The following RBMS2 variants were observed in gnomAD, a reference collection of about 807,000 sequenced individuals.
The protein encoded by RBMS2 is RNA-binding motif, single-stranded-interacting protein 2.
RBMS2 carries 38 observed loss-of-function variants against 58.4 expected under a neutral mutation model. That is an observed-to-expected ratio of 0.65 (90% CI 0.50 to 0.85). The LOEUF is 0.85. Among genes scored for constraint, RBMS2 ranks in the 40% least tolerant of loss-of-function variants. The pLI, the probability that RBMS2 is intolerant of heterozygous loss-of-function variation, is 0.00. For missense variants in RBMS2, 367 were observed against 503.7 expected (o/e 0.73, Z 2.60); for synonymous variants, 151 against 180.7 (o/e 0.84, Z 1.32).
chr12:56,587,607 C>T lies in RBMS2; in HGVS notation c.1005C>T (p.Ser335=), dbSNP rs766846883. 31 of 1,614,096 alleles carry T rather than the reference C, an allele frequency of 1.9e-5. No homozygotes were observed. The highest frequency in any genetic ancestry group is 2.6e-5 in the Non-Finnish European group (31 of 1,179,970). The change falls in exon 11 of 14, where the codon TCC becomes TCT. Residue 335 remains serine (S), a synonymous_variant. Transcript: ENST00000262031. ...ATCCCATTTCTCTCCAGCCTGCCTC[C>T]ATGATGGGACCCCTTACCCAGCAAC... The part of the protein sequence containing the change: ...MDHPISLQPA[S]MMGPLTQQLG...
intron 5 of RBMS2, chr12:56,572,832 G>C: frequency 2.0e-6 from 2 of 984,680 alleles, no homozygotes; most frequent in Non-Finnish European, 2.4e-6. Flanking sequence ...CTGCACCTGT[G>C]ATATCAGAGC....
At chr12:56,572,732 G>A (rs1296329018) in intron 5 of RBMS2, 2 of 965,636 alleles carry the variant, frequency 2.1e-6, no homozygotes, top group Non-Finnish European at 2.5e-6. Context: ...GCAGAGCCCT[G>A]ATCCTTCTGG....
At position 56,589,223 on chromosome 12, in the gene RBMS2, G is replaced by A; in HGVS notation, c.*90G>A. ...AGATTCCAGAGGGTTAACCAGGAAT[G>A]GAGACCATCCGTCGGCCCTGCTAAG... On this transcript the variant is annotated 3_prime_UTR_variant, in exon 14 of 14. Transcript: ENST00000262031. The A allele has an allele frequency of 6.6e-7, 1 of 1,503,890 alleles. No individual in the cohort carries two copies. The highest frequency in any genetic ancestry group is 8.9e-7 in the Non-Finnish European group (1 of 1,123,120). The allele number at this position is 1,503,890 out of a possible 1,614,324, so 93.2% of individuals were successfully genotyped here.
At chr12:56,527,240 T>C (rs1230229342) in intron 1 of RBMS2, among the ~76,000 whole-genome samples, 2 of 152,242 alleles carry the variant, frequency 1.3e-5, no homozygotes, top group East Asian at 3.8e-4. Context: ...GGACTGAGAA[T>C]TAAGAACTTG....
Position 56,582,114 on chromosome 12 carries a change from C to A in RBMS2, c.835C>A (p.Leu279Ile). 1 of 1,613,228 alleles carries A rather than the reference C, an allele frequency of 6.2e-7. No individual in the cohort carries two copies. The highest frequency in any genetic ancestry group is 8.5e-7 in the Non-Finnish European group (1 of 1,179,242). ...CAACAGGATGCTTGCTCAGTCTGCA[C>A]TCTCCCCATACCTTTCCTCTCCTGT... ...TPNRMLAQSALSPYLSSPVSS... is the reference protein window; with the variant it reads ...TPNRMLAQSAISPYLSSPVSS... Residue 279 changes from leucine (L) to isoleucine (I), a missense_variant, in exon 9 of 14, where the codon CTC becomes ATC. Coordinates refer to ENST00000262031, the MANE Select transcript of RBMS2 (RefSeq NM_002898.4).
intron 5 of RBMS2, among the ~76,000 whole-genome samples, chr12:56,579,188 T>C (rs551651161): frequency 1.1e-3 from 165 of 152,216 alleles, no homozygotes; most frequent in African/African-American, 3.9e-3. Flanking sequence ...TTTAACAGTT[T>C]TTGAGAAACT....
chr12:56,530,392 G>A (rs1351344758), intron 1 of RBMS2, among the ~76,000 whole-genome samples: 27 of 62,340 alleles, frequency 4.3e-4, no homozygotes, highest in African/African-American at 1.9e-3. Flanking sequence ...GCAGGGTTTT[G>A]CTCTGTTGCC....
intron 1 of RBMS2, among the ~76,000 whole-genome samples, chr12:56,556,241 TAATA>T (rs974502872): frequency 1.1e-4 from 16 of 151,822 alleles, no homozygotes; most frequent in South Asian, 8.3e-4. Context: ...ACCTGAAAAA[TAATA>T]AATAAAGGAT....
At chr12:56,577,653 G>A (rs1883334855) in intron 5 of RBMS2, among the ~76,000 whole-genome samples, 1 of 151,046 alleles carries the variant, frequency 6.6e-6, no homozygotes, top group Non-Finnish European at 1.5e-5. Context: ...TTTTTGGTGG[G>A]GGGATGGTGG....
intron 1 of RBMS2, among the ~76,000 whole-genome samples, chr12:56,526,588 A>G (rs1456916387): frequency 6.6e-6 from 1 of 150,562 alleles, no homozygotes; most frequent in Admixed American, 6.6e-5. Context: ...TGTGGATTTC[A>G]AAGAGGGATT....
intron 2 of RBMS2, 146 bp downstream of exon 2, chr12:56,562,729 C>T (rs1880654621): frequency 1.1e-6 from 1 of 911,584 alleles, no homozygotes; most frequent in Non-Finnish European, 1.7e-6. Context: ...CAGATGCATG[C>T]CACCACTCCT....
At chr12:56,525,412 A>G (rs927915517) in intron 1 of RBMS2, among the ~76,000 whole-genome samples, 3 of 149,710 alleles carry the variant, frequency 2.0e-5, no homozygotes, top group African/African-American at 7.4e-5. Context: ...AGTAGAGACG[A>G]GGTTTTGCCA....
At chr12:56,586,261 G>A (rs752856694) in intron 9 of RBMS2, among the ~76,000 whole-genome samples, 1 of 152,050 alleles carries the variant, frequency 6.6e-6, no homozygotes, top group Admixed American at 6.6e-5. Flanking sequence ...GAACCCGGGA[G>A]GCGGAGCTTG....
rs1004433171 is a variant in RBMS2 at position 56,522,036 on chromosome 12, G to A, written c.13G>A (p.Val5Met). 5 of 1,568,548 alleles carry A rather than the reference G, an allele frequency of 3.2e-6. No individual in the cohort carries two copies. The Admixed American group carries it at 6.9e-5, about 22-fold the overall frequency. Residue 5 changes from valine (V) to methionine (M), a missense_variant, in exon 1 of 14, where the codon GTG (valine) becomes ATG (methionine). Transcript: ENST00000262031. MLLSVTSRPGISTFG... is the reference protein window; with the variant it reads MLLSMTSRPGISTFG... Reference sequence around the variant, plus strand: ...CATTAAAGAGAAAATGCTGCTATCCGTGACTTCCAGGCCCGGGATTTCGAC... The same window carrying A: ...CATTAAAGAGAAAATGCTGCTATCCATGACTTCCAGGCCCGGGATTTCGAC...
chr12:56,549,508 G>A (rs1196736977), intron 1 of RBMS2, among the ~76,000 whole-genome samples: 1 of 152,106 alleles, frequency 6.6e-6, no homozygotes, highest in Non-Finnish European at 1.5e-5. Flanking sequence ...GACTCAGTAA[G>A]ACAGGAAACA....
At chr12:56,565,082 A>G (rs925095260) in intron 2 of RBMS2, among the ~76,000 whole-genome samples, 1 of 152,196 alleles carries the variant, frequency 6.6e-6, no homozygotes, top group Non-Finnish European at 1.5e-5. Flanking sequence ...GCTCCTATAT[A>G]CTTTAAAATT....
intron 1 of RBMS2, among the ~76,000 whole-genome samples, chr12:56,537,814 C>T (rs1400078811): frequency 1.4e-5 from 2 of 147,748 alleles, no homozygotes; most frequent in Non-Finnish European, 3.0e-5. Flanking sequence ...GTTCCAATTT[C>T]TCTGCATCCT....
At chr12:56,558,089 GGC>G (rs1241286242) in intron 1 of RBMS2, among the ~76,000 whole-genome samples, 11 of 119,822 alleles carry the variant, frequency 9.2e-5, no homozygotes, top group Admixed American at 2.9e-4. Flanking sequence ...CTGTCGCCCA[GGC>G]TGGAGTGCAA....
At chr12:56,589,086 T>C (rs1885094777) in intron 13 of RBMS2, 54 bp from the exon 14 acceptor site, 1 of 1,609,580 alleles carries the variant, frequency 6.2e-7, no homozygotes, top group East Asian at 2.2e-5. Flanking sequence ...CGGCCTGAAG[T>C]CAGACAGGTT....
Sources: gnomAD v4.1 joint callset for allele counts (sites outside exome capture counted in the v4.1 genomes callset) on GRCh38, gnomAD v4.1.1 for gene constraint, MANE v1.5 for transcripts, NCBI Gene and HGNC (gene_info 2026-07-23, HGNC 2026-07-21) for gene names.